KCNAB1: variants seen among roughly 807,000 people sequenced by gnomAD.
KCNAB1 encodes the protein voltage-gated potassium channel subunit beta-1.
A neutral mutation model predicts 64.6 loss-of-function variants in KCNAB1; 35 were observed. That is an observed-to-expected ratio of 0.54 (90% CI 0.41 to 0.72). KCNAB1 has a LOEUF of 0.72. Among genes scored for constraint, KCNAB1 ranks in the 30% least tolerant of loss-of-function variants. The pLI is 0.00. For missense variants in KCNAB1, 401 were observed against 512.9 expected (o/e 0.78, Z 2.11); for synonymous variants, 177 against 183.8 (o/e 0.96, Z 0.30).
chr3:156,231,238 C>T (rs1716501569), intron 1 of KCNAB1, among the ~76,000 whole-genome samples: 1 of 152,062 alleles, frequency 6.6e-6, no homozygotes, highest in African/African-American at 2.4e-5. Context: ...TTTTATTTTG[C>T]CCAAACTTCT....
rs386398329 is a variant in KCNAB1 at position 156,139,584 on chromosome 3, GTTTTTTTTTTTTTTTT to G, written c.275+18709_275+18724del. ...TTTCTCCCTAACTCCATTGTACTGT[GTTTTTTTTTTTTTTTT>G]TTTTTTTTTTGTTCCCCCTAGCTTT... On this transcript the variant is annotated intron_variant, in intron 1 of 13. Transcript: ENST00000490337. Among the ~76,000 whole-genome samples the G allele has an allele frequency of 3.8e-4, 21 of 55,258 alleles. No individual in the cohort carries two copies. The East Asian group carries it at 9.5e-3, about 25-fold the overall frequency. 36.3% of individuals were successfully genotyped at this position (55,258 alleles called of 152,430 possible). A position where few individuals can be genotyped will look rare whatever the true frequency, so the allele number is the denominator to read the frequency against.
intron 8 of KCNAB1, among the ~76,000 whole-genome samples, chr3:156,476,309 C>T (rs1420636532): frequency 2.0e-5 from 3 of 151,930 alleles, no homozygotes; most frequent in Non-Finnish European, 4.4e-5. Flanking sequence ...CCCACTCTTC[C>T]CCCCAAGTCC....
At chr3:156,192,649 T>C (rs1275178469) in intron 1 of KCNAB1, among the ~76,000 whole-genome samples, 1 of 152,166 alleles carries the variant, frequency 6.6e-6, no homozygotes, top group Non-Finnish European at 1.5e-5. Context: ...TTTTGTTTCA[T>C]GCATTTTTGA....
At chr3:156,301,254 C>A (rs771042306) in intron 1 of KCNAB1, among the ~76,000 whole-genome samples, 5 of 151,842 alleles carry the variant, frequency 3.3e-5, no homozygotes, top group Non-Finnish European at 7.4e-5. Flanking sequence ...ACAACAACAA[C>A]CTTGTTATAA....
At chr3:156,286,331 A>T (rs970177439) in intron 1 of KCNAB1, among the ~76,000 whole-genome samples, 1 of 152,258 alleles carries the variant, frequency 6.6e-6, no homozygotes, top group Non-Finnish European at 1.5e-5. Context: ...TCTTTTAATC[A>T]CAAATGATAG....
chr3:156,120,386 G>A (rs1047782928), upstream of KCNAB1, among the ~76,000 whole-genome samples: 8 of 152,130 alleles, frequency 5.3e-5, no homozygotes, highest in South Asian at 2.1e-4. Flanking sequence ...TAAAATTTCC[G>A]TGTTCGAAGA....
intron 1 of KCNAB1, among the ~76,000 whole-genome samples, chr3:156,300,714 G>A (rs1348637850): frequency 2.0e-5 from 3 of 152,002 alleles, no homozygotes; most frequent in Non-Finnish European, 4.4e-5. Context: ...GAGTAATGGG[G>A]GATGACTATG....
chr3:156,497,170 A>T (rs182273837), intron 8 of KCNAB1, among the ~76,000 whole-genome samples: 4 of 152,208 alleles, frequency 2.6e-5, no homozygotes, highest in Non-Finnish European at 4.4e-5. Context: ...GACAATATAA[A>T]TAAGTGCCAC....
intron 1 of KCNAB1, among the ~76,000 whole-genome samples, chr3:156,389,819 G>C (rs1178345491): frequency 6.6e-6 from 1 of 152,158 alleles, no homozygotes; most frequent in Non-Finnish European, 1.5e-5. Flanking sequence ...GCAAACTATA[G>C]CCACTTGTCC....
At chr3:156,233,061 T>C (rs568783348) in intron 1 of KCNAB1, among the ~76,000 whole-genome samples, 11 of 152,274 alleles carry the variant, frequency 7.2e-5, no homozygotes, top group African/African-American at 2.4e-4. Context: ...TTAGATTCTT[T>C]CAAAAAATAA....
intron 1 of KCNAB1, among the ~76,000 whole-genome samples, chr3:156,306,316 A>T (rs973385054): frequency 8.5e-5 from 13 of 152,200 alleles, no homozygotes; most frequent in Admixed American, 7.2e-4. Flanking sequence ...AGGACTAGGC[A>T]GCAGGGCCAC....
chr3:156,129,237 A>G (rs925833969), intron 1 of KCNAB1, among the ~76,000 whole-genome samples: 2 of 152,048 alleles, frequency 1.3e-5, no homozygotes, highest in Non-Finnish European at 2.9e-5. Context: ...AGTATGTTCC[A>G]GGTTATCTTT....
At chr3:156,273,661 A>C (rs1052132128) in intron 1 of KCNAB1, 4 of 455,420 alleles carry the variant, frequency 8.8e-6, no homozygotes, top group African/African-American at 4.0e-5. Context: ...TTTCAGCGAT[A>C]TGAAGTTAAA....
In KCNAB1 at chr3:156,504,733, T is replaced by C. The variant is rs1716695668; in HGVS notation, c.659-9631T>C. Among the ~76,000 whole-genome samples the C allele has an allele frequency of 2.9e-5, 4 of 135,706 alleles. No individual in the cohort carries two copies. The South Asian group carries it at 9.4e-4, about 32-fold the overall frequency. The allele number at this position is 135,706 out of a possible 152,430, so 89.0% of individuals were successfully genotyped here. On this transcript the variant is annotated intron_variant, in intron 8 of 13. Transcript: ENST00000490337. The stretch of plus-strand genomic sequence containing the variant: ...CCCATTTTTAAATTGGATTACTTGT[T>C]TTGTTTTTGTTTTTTTTGTTTTTTT...
At chr3:156,269,410 T>C (rs1718901982) in intron 1 of KCNAB1, among the ~76,000 whole-genome samples, 1 of 152,244 alleles carries the variant, frequency 6.6e-6, no homozygotes, top group Non-Finnish European at 1.5e-5. Context: ...GCCTAACATA[T>C]GCGTATTGTC....
chr3:156,513,496 TAAACACTGACCTGCTTTGTAGAAG>T (rs1373469032), intron 8 of KCNAB1, among the ~76,000 whole-genome samples: 1 of 152,220 alleles, frequency 6.6e-6, no homozygotes, highest in Non-Finnish European at 1.5e-5. Context: ...GGCATCCTGT[TAAACACTGACCTGCTTTGTAGAAG>T]AAATCCAACC....
intron 1 of KCNAB1, among the ~76,000 whole-genome samples, chr3:156,284,933 T>C (rs1304199274): frequency 1.3e-5 from 2 of 152,200 alleles, no homozygotes; most frequent in African/African-American, 2.4e-5. Context: ...TCTTCGTCGC[T>C]CTTGCTGGGA....
intron 1 of KCNAB1, among the ~76,000 whole-genome samples, chr3:156,394,968 ACTT>A (rs1713316684): frequency 6.6e-6 from 1 of 152,192 alleles, no homozygotes; most frequent in South Asian, 2.1e-4. Context: ...TGATTTGTGA[ACTT>A]CTAAAATGCA....
At chr3:156,256,328 A>G (rs189595394) in intron 1 of KCNAB1, among the ~76,000 whole-genome samples, 53 of 152,322 alleles carry the variant, frequency 3.5e-4, no homozygotes, top group African/African-American at 1.2e-3. Flanking sequence ...AAAGAAATAT[A>G]TTTGACTGAA....
Sources: allele counts gnomAD v4.1 joint callset (sites outside exome capture counted in the v4.1 genomes callset), GRCh38; gene constraint gnomAD v4.1.1; transcripts MANE v1.5; gene names NCBI Gene and HGNC (gene_info 2026-07-23, HGNC 2026-07-21).